GRB14: variants seen among roughly 807,000 people sequenced by gnomAD.
The protein encoded by GRB14 is growth factor receptor-bound protein 14.
Under a neutral mutation model 69.1 loss-of-function variants are expected in GRB14, and 38 were observed. The observed-to-expected ratio is 0.55, with a 90% CI of 0.42 to 0.72. GRB14 has a LOEUF of 0.72. GRB14 is among the 30% of genes least tolerant of loss of function. The pLI is 0.00. For synonymous variants in GRB14, 247 were observed against 241.3 expected (o/e 1.02, Z -0.22); for missense variants, 666 against 666.1 (o/e 1.00, Z 0.00).
At chr2:164,516,657 G>A (rs1402933599) in intron 6 of GRB14, among the ~76,000 whole-genome samples, 1 of 152,092 alleles carries the variant, frequency 6.6e-6, no homozygotes, top group Non-Finnish European at 1.5e-5. Context: ...ACAAACAAGT[G>A]CTGAAAAAAT....
intron 2 of GRB14, among the ~76,000 whole-genome samples, chr2:164,571,316 G>A (rs1328895505): frequency 6.6e-6 from 1 of 152,122 alleles, no homozygotes; most frequent in African/African-American, 2.4e-5. Flanking sequence ...CTGCTGTGAG[G>A]ATCAAAGGAA....
intron 2 of GRB14, among the ~76,000 whole-genome samples, chr2:164,602,964 T>C (rs1689955812): frequency 6.6e-6 from 1 of 151,658 alleles, no homozygotes; most frequent in Non-Finnish European, 1.5e-5. Flanking sequence ...AAGACCAAAG[T>C]CAGGTAAGAA....
In GRB14 at chr2:164,535,821, G is replaced by A. The variant is rs539433054; in HGVS notation, c.482-8686C>T. ...TTCAACTCCCCAAGTGCAATAATAG[G>A]AAAATTGTGACACTTCAGCTTGATG... On this transcript the variant is annotated intron_variant, in intron 3 of 13. Transcript: ENST00000263915. Among the ~76,000 whole-genome samples the A allele has an allele frequency of 1.2e-4, 19 of 152,244 alleles. No homozygotes were observed. The East Asian group carries it at 3.5e-3, about 28-fold the overall frequency.
intron 13 of GRB14, 107 bp from the exon 14 acceptor site, chr2:164,493,289 A>C: frequency 2.1e-6 from 2 of 967,766 alleles, no homozygotes; most frequent in South Asian, 3.4e-5. Context: ...AAGTTTATAA[A>C]ACTAAAAGAC....
intron 2 of GRB14, among the ~76,000 whole-genome samples, chr2:164,598,546 G>C (rs1017120176): frequency 6.6e-6 from 1 of 152,162 alleles, no homozygotes; most frequent in African/African-American, 2.4e-5. Context: ...AAATTGTTGG[G>C]CAGGGTATTC....
chr2:164,608,591 G>A (rs10174786), intron 2 of GRB14, among the ~76,000 whole-genome samples: 92,041 of 134,394 alleles, frequency 0.68, 28,920 homozygotes, highest in Admixed American at 0.73. Flanking sequence ...TGGAAAAAAA[G>A]AAAAAAGAAA....
intron 2 of GRB14, among the ~76,000 whole-genome samples, chr2:164,553,061 AC>A (rs1468847835): frequency 1.3e-5 from 2 of 151,874 alleles, no homozygotes; most frequent in Non-Finnish European, 2.9e-5. Context: ...CCTCCTGACT[AC>A]CCCCATATGT....
chr2:164,529,999 G>A (rs1258376821), intron 3 of GRB14, among the ~76,000 whole-genome samples: 6 of 152,168 alleles, frequency 3.9e-5, no homozygotes, highest in Admixed American at 3.9e-4. Context: ...CTGCCCTCAT[G>A]AAGCTTTCAT....
chr2:164,573,993 C>T, intron 2 of GRB14: 1 of 1,555,086 alleles, frequency 6.4e-7, no homozygotes, highest in Non-Finnish European at 8.9e-7. Context: ...CAGATGTTGG[C>T]CATGAATATT....
intron 2 of GRB14, among the ~76,000 whole-genome samples, chr2:164,564,373 G>A (rs1485496760): frequency 6.6e-6 from 1 of 152,186 alleles, no homozygotes; most frequent in African/African-American, 2.4e-5. Context: ...ATGTTTAAAA[G>A]ATTCTGGGAA....
chr2:164,587,742 CGAAAA>C (rs1559063206), intron 2 of GRB14, among the ~76,000 whole-genome samples: 2 of 152,076 alleles, frequency 1.3e-5, no homozygotes. Flanking sequence ...GCTTACTAAT[CGAAAA>C]CTGACATTTA....
At chr2:164,609,415 A>G (rs1480677330) in intron 2 of GRB14, among the ~76,000 whole-genome samples, 1 of 152,092 alleles carries the variant, frequency 6.6e-6, no homozygotes, top group Non-Finnish European at 1.5e-5. Context: ...CATTCCTACA[A>G]GTATTGTTTC....
intron 2 of GRB14, among the ~76,000 whole-genome samples, chr2:164,577,681 A>C (rs1020588109): frequency 6.6e-6 from 1 of 152,176 alleles, no homozygotes; most frequent in Non-Finnish European, 1.5e-5. Context: ...TAATACACTA[A>C]TATATAATAA....
chr2:164,537,619 T>C (rs1377758732), intron 3 of GRB14, among the ~76,000 whole-genome samples: 2 of 152,152 alleles, frequency 1.3e-5, no homozygotes, highest in African/African-American at 2.4e-5. Flanking sequence ...GGACCAGTTG[T>C]GAGGCTAACA....
In GRB14 at chr2:164,497,302, A is replaced by G; in HGVS notation, c.1222-19T>C. 3 of 1,611,028 alleles carry G rather than the reference A, an allele frequency of 1.9e-6. No homozygotes were observed. Among genetic ancestry groups the G allele is most frequent in the Non-Finnish European group, 2.5e-6 (3 of 1,178,858 alleles). On this transcript the variant is annotated intron_variant, in intron 10 of 13. Transcript: ENST00000263915. ...CTTTTTTCTGAGCAAGGAAGGAGAAAACAAATCTCAAGTTTTTAGGTGAAA... is the reference window on the plus strand; with the variant it reads ...CTTTTTTCTGAGCAAGGAAGGAGAAGACAAATCTCAAGTTTTTAGGTGAAA...
At chr2:164,600,944 C>G (rs1173190104) in intron 2 of GRB14, among the ~76,000 whole-genome samples, 1 of 151,922 alleles carries the variant, frequency 6.6e-6, no homozygotes, top group Non-Finnish European at 1.5e-5. Flanking sequence ...TGCCAAATCT[C>G]TACCGTCTCT....
intron 2 of GRB14, among the ~76,000 whole-genome samples, chr2:164,574,241 C>CTT (rs769386864): frequency 1.8e-4 from 24 of 137,050 alleles, no homozygotes; most frequent in South Asian, 2.3e-4. Context: ...GAAAAATTAT[C>CTT]TTTTTTTTTT....
intron 2 of GRB14, among the ~76,000 whole-genome samples, chr2:164,581,435 G>A (rs1689402356): frequency 6.6e-6 from 1 of 152,246 alleles, no homozygotes; most frequent in East Asian, 1.9e-4. Context: ...TAATGTTTCC[G>A]TGAAAACAGA....
At chr2:164,600,466 T>G (rs1173878764) in intron 2 of GRB14, among the ~76,000 whole-genome samples, 1 of 152,168 alleles carries the variant, frequency 6.6e-6, no homozygotes, top group Admixed American at 6.5e-5. Flanking sequence ...AATGTCATTA[T>G]TTCAAACCCT....
Sources: gnomAD v4.1 joint callset for allele counts (sites outside exome capture counted in the v4.1 genomes callset) on GRCh38, gnomAD v4.1.1 for gene constraint, MANE v1.5 for transcripts, NCBI Gene and HGNC (gene_info 2026-07-23, HGNC 2026-07-21) for gene names.